The following CPED1 variants were observed in gnomAD, a reference collection of about 807,000 sequenced individuals.
CPED1 encodes the protein cadherin-like and PC-esterase domain-containing protein 1.
A neutral mutation model predicts 128.2 loss-of-function variants in CPED1; 114 were observed. That is an observed-to-expected ratio of 0.89 (90% CI 0.76 to 1.04). The LOEUF (loss-of-function observed/expected upper bound fraction) is 1.04. Among genes scored for constraint, CPED1 ranks in the 50% least tolerant of loss-of-function variants. The pLI, the probability that CPED1 is intolerant of heterozygous loss-of-function variation, is 0.00. For missense variants in CPED1, 1,211 were observed against 1,207.1 expected (o/e 1.00, Z -0.05); for synonymous variants, 462 against 426.7 (o/e 1.08, Z -1.02).
At chr7:121,219,039 G>A (rs1563069182) in intron 16 of CPED1, among the ~76,000 whole-genome samples, 1 of 151,982 alleles carries the variant, frequency 6.6e-6, no homozygotes, top group Non-Finnish European at 1.5e-5. Flanking sequence ...AAGTATGAGA[G>A]AACCCAAAGT....
intron 18 of CPED1, among the ~76,000 whole-genome samples, chr7:121,260,147 A>G (rs1459388847): frequency 1.3e-5 from 2 of 150,922 alleles, no homozygotes; most frequent in Non-Finnish European, 3.0e-5. Context: ...AGATAATGGC[A>G]ATGTAGACAA....
chr7:121,274,444 G>C (rs2116760937), intron 22 of CPED1, among the ~76,000 whole-genome samples: 1 of 152,188 alleles, frequency 6.6e-6, no homozygotes, highest in South Asian at 2.1e-4. Context: ...CTCTATTTCT[G>C]ATGTAGGCTG....
chr7:121,054,535 G>T (rs1437171415), intron 4 of CPED1, among the ~76,000 whole-genome samples: 1 of 152,064 alleles, frequency 6.6e-6, no homozygotes, highest in Non-Finnish European at 1.5e-5. Flanking sequence ...TTTTCTGAAG[G>T]TAGGGCATAT....
At chr7:121,184,644 C>T (rs1378645989) in intron 16 of CPED1, among the ~76,000 whole-genome samples, 1 of 152,062 alleles carries the variant, frequency 6.6e-6, no homozygotes, top group Non-Finnish European at 1.5e-5. Context: ...TCTGTGTACA[C>T]TTAACAATTG....
chr7:121,140,792 AG>A (rs1247280705), intron 14 of CPED1, 34 bp from the exon 15 acceptor site: 2 of 1,480,736 alleles, frequency 1.4e-6, no homozygotes, highest in Non-Finnish European at 1.9e-6. Context: ...CCCACTTCAC[AG>A]TTGTCTTTGT....
At chr7:121,212,459 G>A (rs1401849193) in intron 16 of CPED1, among the ~76,000 whole-genome samples, 1 of 152,026 alleles carries the variant, frequency 6.6e-6, no homozygotes, top group Non-Finnish European at 1.5e-5. Flanking sequence ...AAGCCTGTCA[G>A]CCTCCTATCC....
intron 22 of CPED1, among the ~76,000 whole-genome samples, chr7:121,279,057 A>T (rs1380895098): frequency 2.0e-5 from 3 of 152,124 alleles, no homozygotes; most frequent in African/African-American, 7.2e-5. Context: ...ACCATTTCCT[A>T]CATTAAGGTT....
intron 3 of CPED1, among the ~76,000 whole-genome samples, chr7:121,017,840 T>C (rs1792339713): frequency 6.6e-6 from 1 of 152,172 alleles, no homozygotes; most frequent in Admixed American, 6.6e-5. Flanking sequence ...CAATAGAATA[T>C]GGCAGCCAAA....
intron 18 of CPED1, among the ~76,000 whole-genome samples, chr7:121,253,488 T>C (rs1584634078): frequency 1.3e-5 from 2 of 151,846 alleles, no homozygotes; most frequent in South Asian, 4.2e-4. Context: ...AAAAGGAACA[T>C]AGCTCACTGG....
At chr7:121,104,275 A>T (rs1365058976) in intron 7 of CPED1, among the ~76,000 whole-genome samples, 1 of 152,164 alleles carries the variant, frequency 6.6e-6, no homozygotes, top group Non-Finnish European at 1.5e-5. Flanking sequence ...GTATCTATAA[A>T]TTCACGAGTA....
At chr7:121,252,830 G>T (rs1798711032) in intron 18 of CPED1, among the ~76,000 whole-genome samples, 1 of 152,156 alleles carries the variant, frequency 6.6e-6, no homozygotes, top group Non-Finnish European at 1.5e-5. Context: ...TGGAGAGGAT[G>T]TGGAGAAATA....
intron 16 of CPED1, among the ~76,000 whole-genome samples, chr7:121,144,629 C>T (rs1438352613): frequency 6.6e-6 from 1 of 151,866 alleles, no homozygotes; most frequent in Non-Finnish European, 1.5e-5. Context: ...AACAGGGCAA[C>T]TGTAGTTAGC....
chr7:121,269,977 C>T (rs188267201), intron 21 of CPED1, among the ~76,000 whole-genome samples: 15 of 152,098 alleles, frequency 9.9e-5, no homozygotes, highest in South Asian at 2.1e-4. Context: ...TGTCACATGA[C>T]GAGAGTGACA....
chr7:121,249,564 A>G (rs1438955750), intron 18 of CPED1, among the ~76,000 whole-genome samples: 1 of 152,188 alleles, frequency 6.6e-6, no homozygotes, highest in African/African-American at 2.4e-5. Context: ...ATAATTTTAT[A>G]TCCCACTAAA....
Sources: allele counts gnomAD v4.1 joint callset (sites outside exome capture counted in the v4.1 genomes callset), GRCh38; gene constraint gnomAD v4.1.1; transcripts MANE v1.5; gene names NCBI Gene and HGNC (gene_info 2026-07-23, HGNC 2026-07-21).